The following NRG1 variants were observed in gnomAD, a reference collection of about 807,000 sequenced individuals.
NRG1 encodes neuregulin 1.
In NRG1, 18 loss-of-function variants were observed where a neutral mutation model predicts 63.8. That is an observed-to-expected ratio of 0.28 (90% confidence interval 0.19 to 0.42). The LOEUF (loss-of-function observed/expected upper bound fraction) is 0.42. NRG1 is among the 10% of genes least tolerant of loss of function. NRG1 has a pLI of 1.00. For synonymous variants in NRG1, 302 were observed against 301.3 expected (o/e 1.00, Z -0.02); for missense variants, 762 against 814.7 (o/e 0.94, Z 0.79).
intron 1 of NRG1, among the ~76,000 whole-genome samples, chr8:32,333,950 T>C (rs981925806): frequency 5.3e-5 from 8 of 152,204 alleles, no homozygotes; most frequent in Non-Finnish European, 7.3e-5. Flanking sequence ...GTGATTCCAT[T>C]GGCAATTTCT....
At chr8:32,444,749 G>A (rs1406431879) in intron 1 of NRG1, among the ~76,000 whole-genome samples, 1 of 152,194 alleles carries the variant, frequency 6.6e-6, no homozygotes, top group East Asian at 1.9e-4. Context: ...TAGAAGAGTT[G>A]CCTTTGACGA....
chr8:32,048,468 T>C (rs1821442248), intron 1 of NRG1, among the ~76,000 whole-genome samples: 1 of 118,030 alleles, frequency 8.5e-6, no homozygotes, highest in Admixed American at 8.9e-5. Context: ...TATATATATA[T>C]ATATATATAT....
intron 1 of NRG1, among the ~76,000 whole-genome samples, chr8:31,835,498 A>G (rs1825607748): frequency 6.6e-6 from 1 of 152,152 alleles, no homozygotes; most frequent in South Asian, 2.1e-4. Context: ...GACGCTTGAT[A>G]TTTCAGCGAT....
chr8:32,189,254 C>A (rs10102746), intron 1 of NRG1, among the ~76,000 whole-genome samples: 34,330 of 151,974 alleles, frequency 0.23, 4,955 homozygotes, highest in African/African-American at 0.41. Flanking sequence ...CCTCAGTAGT[C>A]CCCAGTGTCT....
intron 1 of NRG1, among the ~76,000 whole-genome samples, chr8:32,318,207 CAGAG>C (rs1047321676): frequency 1.1e-4 from 16 of 152,106 alleles, no homozygotes; most frequent in African/African-American, 3.9e-4. Flanking sequence ...TGTCTGAAAA[CAGAG>C]GGAAAATTTT....
At position 31,760,556 on chromosome 8, in the gene NRG1, A is replaced by G. The variant is rs1313800475; in HGVS notation, c.37+121125A>G. Among the ~76,000 whole-genome samples, 5 of 152,292 alleles carry G rather than the reference A, an allele frequency of 3.3e-5. No homozygotes were observed. The East Asian group carries it at 5.8e-4, about 18-fold the overall frequency. ...AAAATTTTCGCAACCTACTCATCTG[A>G]CAAAGGGCTAATATCCAGAATCTAC... On this transcript the variant is annotated intron_variant, in intron 1 of 10. Transcript: ENST00000519301.
intron 1 of NRG1, among the ~76,000 whole-genome samples, chr8:31,738,902 T>C (rs1456277922): frequency 6.6e-6 from 1 of 152,072 alleles, no homozygotes; most frequent in East Asian, 1.9e-4. Context: ...CCATTATGAA[T>C]TCATCTTAAC....
chr8:32,354,050 C>T (rs1806009182), intron 1 of NRG1, among the ~76,000 whole-genome samples: 1 of 152,098 alleles, frequency 6.6e-6, no homozygotes, highest in South Asian at 2.1e-4. Flanking sequence ...AATAATTACA[C>T]TAAGTGATAG....
chr8:32,366,380 C>A (rs192674865), intron 1 of NRG1, among the ~76,000 whole-genome samples: 1 of 152,036 alleles, frequency 6.6e-6, no homozygotes, highest in Non-Finnish European at 1.5e-5. Context: ...CTAGTAACTA[C>A]CATTTTACTC....
At chr8:31,671,443 C>G (rs1585553602) in intron 1 of NRG1, among the ~76,000 whole-genome samples, 1 of 152,064 alleles carries the variant, frequency 6.6e-6, no homozygotes, top group Admixed American at 6.6e-5. Context: ...AGCTGGCAAA[C>G]TTATCAGGCA....
chr8:31,723,367 T>C (rs1346278518), intron 1 of NRG1, among the ~76,000 whole-genome samples: 1 of 152,186 alleles, frequency 6.6e-6, no homozygotes, highest in Non-Finnish European at 1.5e-5. Flanking sequence ...AGAGGAATTT[T>C]GTCATGGATT....
intron 1 of NRG1, among the ~76,000 whole-genome samples, chr8:32,489,096 G>C (rs1226944892): frequency 6.6e-6 from 1 of 152,122 alleles, no homozygotes; most frequent in Non-Finnish European, 1.5e-5. Flanking sequence ...TTCTGACTTG[G>C]GGGTGTATAT....
intron 1 of NRG1, among the ~76,000 whole-genome samples, chr8:32,215,604 G>A (rs1845136526): frequency 6.6e-6 from 1 of 152,172 alleles, no homozygotes; most frequent in African/African-American, 2.4e-5. Context: ...ACAGTTGTAA[G>A]GGACAGAGTC....
chr8:32,108,115 G>A (rs574971676), intron 1 of NRG1, among the ~76,000 whole-genome samples: 4 of 152,118 alleles, frequency 2.6e-5, no homozygotes, highest in Admixed American at 2.6e-4. Flanking sequence ...TTGGAATTTG[G>A]TAGGCAGAAC....
intron 1 of NRG1, among the ~76,000 whole-genome samples, chr8:31,715,790 G>T (rs182342610): frequency 1.3e-5 from 2 of 152,262 alleles, no homozygotes; most frequent in African/African-American, 4.8e-5. Flanking sequence ...GAGAAAATGG[G>T]AAGTGTTTAT....
At chr8:31,883,612 A>G (rs1830512912) in intron 1 of NRG1, among the ~76,000 whole-genome samples, 1 of 152,162 alleles carries the variant, frequency 6.6e-6, no homozygotes, top group Admixed American at 6.6e-5. Flanking sequence ...TTGAACTTAC[A>G]CAATAATTTA....
intron 1 of NRG1, among the ~76,000 whole-genome samples, chr8:31,671,838 C>T (rs544763836): frequency 6.6e-6 from 1 of 152,190 alleles, no homozygotes; most frequent in African/African-American, 2.4e-5. Context: ...AAGATGACTT[C>T]TGGATTTGAG....
At chr8:32,237,622 A>G (rs1268694868) in intron 1 of NRG1, among the ~76,000 whole-genome samples, 1 of 151,816 alleles carries the variant, frequency 6.6e-6, no homozygotes. Flanking sequence ...CTGCTACCGG[A>G]GGAGGATTCT....
At chr8:32,535,049 G>A (rs10099620) in intron 1 of NRG1, among the ~76,000 whole-genome samples, 115,104 of 152,084 alleles carry the variant, frequency 0.76, 43,719 homozygotes, top group East Asian at 0.84. Context: ...ATAATCATAT[G>A]GTAAATATTG....
Sources: gnomAD v4.1 joint callset for allele counts (sites outside exome capture counted in the v4.1 genomes callset) on GRCh38, gnomAD v4.1.1 for gene constraint, MANE v1.5 for transcripts, NCBI Gene and HGNC (gene_info 2026-07-23, HGNC 2026-07-21) for gene names.